The following RGS12 variants were observed in gnomAD, a reference collection of about 807,000 sequenced individuals.
RGS12 encodes regulator of G-protein signaling 12.
Under a neutral mutation model 120.1 loss-of-function variants are expected in RGS12, and 66 were observed. The ratio of observed to expected loss-of-function variants is 0.55; its 90% CI spans 0.45 to 0.67. RGS12 has a LOEUF of 0.67. Ranked by LOEUF, RGS12 falls within the 30% of genes least tolerant of loss-of-function variation. The probability of loss-of-function intolerance (pLI) is 0.00; values close to 1 mark genes in which losing one functional copy is unlikely to be tolerated. For missense variants in RGS12, 1,859 were observed against 1,957.7 expected, an observed-to-expected ratio of 0.95 and a Z score of 0.95; for synonymous variants, 827 against 804.7, an observed-to-expected ratio of 1.03 and a Z score of -0.47.
intron 4 of RGS12, among the ~76,000 whole-genome samples, chr4:3,400,001 T>C (rs1406024231): frequency 6.6e-6 from 1 of 152,206 alleles, no homozygotes; most frequent in African/African-American, 2.4e-5. Context: ...TTCACATTCA[T>C]TGGCCAAAGC....
chr4:3,389,091 C>T lies in RGS12; in HGVS notation c.2020+2654C>T, dbSNP rs1023410054. Among the ~76,000 whole-genome samples the T allele has an allele frequency of 2.0e-5, 3 of 152,166 alleles. No individual in the cohort carries two copies. The highest frequency in any genetic ancestry group is 3.9e-4 in the East Asian group (2 of 5,192). ...CACGGTTTCATTCTGTGACGCGTAT[C>T]GTGCTTTTATAGCTTAGGCTCTCGC... On this transcript the variant is annotated intron_variant, in intron 4 of 17. Transcript: ENST00000336727. The surrounding 1 kb of genome is among the most constrained non-coding windows in gnomAD (Gnocchi z 5.2).
rs868519235 is a variant in RGS12, at chr4:3,374,343, C to T, written c.1999-12073C>T. Among the ~76,000 whole-genome samples, 3 of 152,180 alleles carry T rather than the reference C, an allele frequency of 2.0e-5. No homozygotes were observed. The highest frequency in any genetic ancestry group is 1.9e-4 in the East Asian group (1 of 5,178). On this transcript the variant is annotated intron_variant, in intron 3 of 17. Transcript: ENST00000336727. The surrounding 1 kb of genome is among the most constrained non-coding windows in gnomAD (Gnocchi z 6.3). The stretch of plus-strand genomic sequence containing the variant: ...GCTTTTCACCACTGTCAGGTCTTCA[C>T]GGGGGAGGCCTAGGCTGGGCGGGGA...
At chr4:3,333,117 C>T (rs1324420806) in intron 2 of RGS12, among the ~76,000 whole-genome samples, 19 of 150,826 alleles carry the variant, frequency 1.3e-4, no homozygotes, top group African/African-American at 3.2e-4. Flanking sequence ...GGCGCGATCT[C>T]GGCTCACTGC....
intron 17 of RGS12, among the ~76,000 whole-genome samples, chr4:3,438,323 C>T (rs1002559395): frequency 3.9e-5 from 6 of 152,018 alleles, no homozygotes; most frequent in Non-Finnish European, 7.4e-5. Context: ...AACCTGCCCC[C>T]GAAGCCTGCT....
At chr4:3,342,485 C>G (rs1467745816) in intron 2 of RGS12, 2 of 1,289,474 alleles carry the variant, frequency 1.6e-6, no homozygotes, top group Admixed American at 4.6e-5. Context: ...CTTTCATTTC[C>G]TAAAGTGCTT....
intron 17 of RGS12, among the ~76,000 whole-genome samples, chr4:3,432,454 C>T (rs936754402): frequency 7.2e-5 from 11 of 152,198 alleles, no homozygotes; most frequent in Admixed American, 6.5e-4. Context: ...GCTGCAGTCC[C>T]GCACCCACAC....
chr4:3,389,896 C>A lies in RGS12; in HGVS notation c.2020+3459C>A, dbSNP rs761748354. Reference sequence around the variant, plus strand: ...CTGGGGACCCCCGACACGTACTAGTCGCAGTCCTCCATCCCCATGTCCTCC... The same window carrying A: ...CTGGGGACCCCCGACACGTACTAGTAGCAGTCCTCCATCCCCATGTCCTCC... On this transcript the variant is annotated intron_variant, in intron 4 of 17. Transcript: ENST00000336727. The surrounding 1 kb of genome is among the most constrained non-coding windows in gnomAD (Gnocchi z 5.2). Among the ~76,000 whole-genome samples, 2 of 152,214 alleles carry A rather than the reference C, an allele frequency of 1.3e-5. No homozygotes were observed. Among genetic ancestry groups the A allele is most frequent in the Non-Finnish European group, 2.9e-5 (2 of 68,036 alleles).
At chr4:3,351,437 T>C (rs1411657480) in intron 3 of RGS12, among the ~76,000 whole-genome samples, 1 of 152,206 alleles carries the variant, frequency 6.6e-6, no homozygotes, top group Non-Finnish European at 1.5e-5. Context: ...CAATTAGCTT[T>C]TTCATCACCC....
intron 2 of RGS12, among the ~76,000 whole-genome samples, chr4:3,325,211 G>T (rs978607011): frequency 2.6e-5 from 4 of 152,186 alleles, no homozygotes; most frequent in Non-Finnish European, 4.4e-5. Context: ...CAGGAATGCG[G>T]CTTAAGTTTT....
intron 6 of RGS12, among the ~76,000 whole-genome samples, chr4:3,415,068 C>T (rs568428238): frequency 7.8e-4 from 58 of 74,094 alleles, no homozygotes; most frequent in African/African-American, 2.8e-3. Context: ...GTGTGAGGGG[C>T]GTGTGAGGTC....
At chr4:3,383,455 A>C (rs575707319) in intron 3 of RGS12, among the ~76,000 whole-genome samples, 45 of 152,086 alleles carry the variant, frequency 3.0e-4, no homozygotes, top group Non-Finnish European at 6.3e-4. Flanking sequence ...AAAAATACAC[A>C]AAGTAGCTGA....
At chr4:3,386,373 C>G in intron 3 of RGS12, 43 bp from the exon 4 acceptor site, 1 of 1,597,962 alleles carries the variant, frequency 6.3e-7, no homozygotes, top group Non-Finnish European at 8.6e-7. Context: ...GGAGTTTTGT[C>G]ATGAGGCTTA....
At chr4:3,417,162 G>A (rs528604681) in intron 8 of RGS12, 70 bp downstream of exon 8, 10 of 1,457,176 alleles carry the variant, frequency 6.9e-6, no homozygotes, top group Non-Finnish European at 8.2e-6. Context: ...GTTCTGTGGG[G>A]AGTGAAAAGA....
chr4:3,428,190 A>C (rs1254672940), intron 15 of RGS12, 21 bp downstream of exon 15: 1 of 1,605,388 alleles, frequency 6.2e-7, no homozygotes, highest in Non-Finnish European at 8.5e-7. Context: ...ACCCTGGCCC[A>C]CCCTGTGCCC....
chr4:3,350,807 A>G (rs1453899834), intron 3 of RGS12, among the ~76,000 whole-genome samples: 1 of 152,258 alleles, frequency 6.6e-6, no homozygotes, highest in Non-Finnish European at 1.5e-5. Flanking sequence ...AGAATTTCTT[A>G]AGGGATTTCT....
chr4:3,286,253 T>C, the RGS12 span, among the ~76,000 whole-genome samples: 2 of 152,214 alleles, frequency 1.3e-5, no homozygotes, highest in Non-Finnish European at 2.9e-5. Context: ...GCAGGTCTTC[T>C]GCCCCAGGCC....
intron 16 of RGS12, 144 bp downstream of exon 16, chr4:3,428,855 C>T (rs1723951654): frequency 2.8e-6 from 2 of 720,168 alleles, no homozygotes; most frequent in Non-Finnish European, 4.5e-6. Context: ...CTCCCGGGGG[C>T]AGTCTGTGGG....
chr4:3,396,159 T>C (rs1293302560), intron 4 of RGS12, among the ~76,000 whole-genome samples: 1 of 152,210 alleles, frequency 6.6e-6, no homozygotes, highest in South Asian at 2.1e-4. Flanking sequence ...GATGCAGAAC[T>C]GTGGGTGCGG....
At chr4:3,405,931 A>G (rs1721072179) in intron 4 of RGS12, among the ~76,000 whole-genome samples, 1 of 151,964 alleles carries the variant, frequency 6.6e-6, no homozygotes, top group Non-Finnish European at 1.5e-5. Flanking sequence ...CCCAAAAAGG[A>G]TGGCACACAT....
Sources: gnomAD v4.1 joint callset for allele counts (sites outside exome capture counted in the v4.1 genomes callset) on GRCh38, gnomAD v4.1.1 for gene constraint, Gnocchi (gnomAD v3.1) non-coding constraint, MANE v1.5 for transcripts, NCBI Gene and HGNC (gene_info 2026-07-23, HGNC 2026-07-21) for gene names.